Variants in PAN3 observed in about 807,000 individuals in gnomAD.
PAN3 encodes the protein poly(A) specific ribonuclease subunit PAN3, also known as PAN2-PAN3 deadenylation complex subunit PAN3.
In PAN3, 19 loss-of-function variants were observed where a neutral mutation model predicts 96.2. The ratio of observed to expected loss-of-function variants is 0.20; its 90% CI spans 0.14 to 0.29. The LOEUF (loss-of-function observed/expected upper bound fraction) is 0.29, where lower values mean the gene tolerates loss of function less well. Among genes scored for constraint, PAN3 ranks in the 10% least tolerant of loss-of-function variants. PAN3 has a pLI of 1.00. For missense variants in PAN3, 882 were observed against 1,108.1 expected, an observed-to-expected ratio of 0.80 and a Z score of 2.90; for synonymous variants, 433 against 406.6, an observed-to-expected ratio of 1.06 and a Z score of -0.78.
chr13:28,283,079 C>T (rs943628589), intron 17 of PAN3, among the ~76,000 whole-genome samples: 2 of 151,568 alleles, frequency 1.3e-5, no homozygotes, highest in African/African-American at 2.4e-5. Flanking sequence ...GAGGGAATCT[C>T]GCTCTATCCC....
intron 6 of PAN3, among the ~76,000 whole-genome samples, chr13:28,228,769 G>A (rs909341157): frequency 5.3e-5 from 8 of 152,046 alleles, no homozygotes; most frequent in African/African-American, 1.2e-4. Flanking sequence ...TGCTCTCTCC[G>A]CCATAGTTAA....
At chr13:28,158,615 C>T (rs564408582) in intron 1 of PAN3, among the ~76,000 whole-genome samples, 4 of 152,192 alleles carry the variant, frequency 2.6e-5, no homozygotes, top group African/African-American at 7.2e-5. Context: ...TGGTGGCTCA[C>T]GCCTGTAATC....
chr13:28,227,580 TG>T (rs1279630112), intron 6 of PAN3, among the ~76,000 whole-genome samples: 1 of 152,196 alleles, frequency 6.6e-6, no homozygotes, highest in Non-Finnish European at 1.5e-5. Flanking sequence ...GCTTGGTTTC[TG>T]TGTTTTAGAG....
At chr13:28,187,194 G>A (rs1300468576) in intron 4 of PAN3, among the ~76,000 whole-genome samples, 3 of 151,274 alleles carry the variant, frequency 2.0e-5, no homozygotes, top group African/African-American at 7.3e-5. Context: ...TGACTTGGTG[G>A]TGCACGCCTG....
intron 4 of PAN3, among the ~76,000 whole-genome samples, chr13:28,190,914 C>A (rs1033610460): frequency 6.6e-6 from 1 of 152,178 alleles, no homozygotes; most frequent in Non-Finnish European, 1.5e-5. Context: ...TTAACTTACA[C>A]GTGTGGAGCA....
In PAN3 at chr13:28,144,739, T is replaced by TC. The variant is rs1566132446; in HGVS notation, c.430+5654dup. On this transcript the variant is annotated intron_variant, in intron 1 of 18. Transcript: ENST00000380958. ...TCATCTTTTTTTTTTTTTTTTTTTTTCCTCAGAGCCTCACTCTGTAGCCCA... is the reference window on the plus strand; with the variant it reads ...TCATCTTTTTTTTTTTTTTTTTTTTTCCCTCAGAGCCTCACTCTGTAGCCCA... Among the ~76,000 whole-genome samples the TC allele has an allele frequency of 4.9e-3, 730 of 148,166 alleles. 11 individuals are homozygous for TC. Among genetic ancestry groups the TC allele is most frequent in the African/African-American group, 0.018 (697 of 39,526 alleles).
At chr13:28,258,599 G>A (rs1226604875) in intron 7 of PAN3, among the ~76,000 whole-genome samples, 2 of 152,200 alleles carry the variant, frequency 1.3e-5, no homozygotes, top group African/African-American at 2.4e-5. Flanking sequence ...AAATGCCTGT[G>A]AAAGGGGAAA....
chr13:28,287,872 C>T (rs891956858), intron 17 of PAN3, 112 bp from the exon 18 acceptor site: 3 of 1,047,756 alleles, frequency 2.9e-6, no homozygotes, highest in South Asian at 2.0e-5. Context: ...GACTCCCTCC[C>T]AATTTTTTGT....
At chr13:28,269,702 T>C (rs17086467) in intron 12 of PAN3, among the ~76,000 whole-genome samples, 14,113 of 152,162 alleles carry the variant, frequency 0.093, 825 homozygotes, top group African/African-American at 0.17. Flanking sequence ...TGTCTTGGCA[T>C]TTGTTACCGG....
At chr13:28,183,135 C>T (rs1461838704) in intron 4 of PAN3, among the ~76,000 whole-genome samples, 1 of 151,808 alleles carries the variant, frequency 6.6e-6, no homozygotes, top group Non-Finnish European at 1.5e-5. Context: ...GCCTTTTTTG[C>T]ATATTGAATC....
At chr13:28,172,588 G>C (rs916301049) in intron 1 of PAN3, among the ~76,000 whole-genome samples, 49 of 152,114 alleles carry the variant, frequency 3.2e-4, no homozygotes, top group African/African-American at 1.2e-3. Context: ...ATTTTTCCCA[G>C]TCTTATTTTG....
At chr13:28,197,444 AGCTGGTATAC>A (rs1878193510) in intron 5 of PAN3, 98 bp downstream of exon 5, 1 of 1,222,438 alleles carries the variant, frequency 8.2e-7, no homozygotes, top group Admixed American at 2.6e-5. Flanking sequence ...TGGATGACTT[AGCTGGTATAC>A]TTAGGTAATT....
At chr13:28,147,399 A>G (rs1027820340) in intron 1 of PAN3, among the ~76,000 whole-genome samples, 1 of 152,156 alleles carries the variant, frequency 6.6e-6, no homozygotes, top group East Asian at 1.9e-4. Flanking sequence ...GTACTGACTT[A>G]AAATAGTTAC....
chr13:28,152,364 GC>G (rs1555268919), intron 1 of PAN3, among the ~76,000 whole-genome samples: 3 of 152,000 alleles, frequency 2.0e-5, no homozygotes, highest in Non-Finnish European at 4.4e-5. Flanking sequence ...GGGGTGGATC[GC>G]CTTAGGTCAG....
intron 9 of PAN3, among the ~76,000 whole-genome samples, chr13:28,265,441 A>G (rs2138641206): frequency 6.6e-6 from 1 of 152,340 alleles, no homozygotes; most frequent in South Asian, 2.1e-4. Context: ...CATTATGGCC[A>G]TGCCATGTAG....
chr13:28,179,576 T>C (rs1875495234), intron 4 of PAN3, among the ~76,000 whole-genome samples: 1 of 151,836 alleles, frequency 6.6e-6, no homozygotes, highest in South Asian at 2.1e-4. Context: ...ATTAGTCAGG[T>C]GTGGTGGTAC....
intron 18 of PAN3, among the ~76,000 whole-genome samples, chr13:28,290,527 C>A (rs1869621743): frequency 1.3e-5 from 2 of 151,968 alleles, no homozygotes; most frequent in Admixed American, 1.3e-4. Context: ...ACTAAAAATA[C>A]AAAATTAGCC....
chr13:28,141,771 A>G (rs1262983030), intron 1 of PAN3, among the ~76,000 whole-genome samples: 4 of 151,986 alleles, frequency 2.6e-5, no homozygotes, highest in Non-Finnish European at 4.4e-5. Flanking sequence ...AGGATTTTCT[A>G]ATTAACACAC....
intron 1 of PAN3, among the ~76,000 whole-genome samples, chr13:28,141,004 T>TTTTTATTTA (rs1491386449): frequency 2.9e-4 from 27 of 93,206 alleles, no homozygotes; most frequent in African/African-American, 1.6e-3. Context: ...AAAGAGACAC[T>TTTTTATTTA]TTTTTTTTTT....
Sources: gnomAD v4.1 joint callset for allele counts (sites outside exome capture counted in the v4.1 genomes callset) on GRCh38, gnomAD v4.1.1 for gene constraint, MANE v1.5 for transcripts, NCBI Gene and HGNC (gene_info 2026-07-23, HGNC 2026-07-21) for gene names.